Variants in YLPM1 observed in about 807,000 individuals in gnomAD.
YLPM1 encodes YLP motif containing 1.
A neutral mutation model predicts 230.0 loss-of-function variants in YLPM1; 99 were observed. The observed-to-expected ratio is 0.43, with a 90% CI of 0.37 to 0.51. YLPM1 has a LOEUF of 0.51. YLPM1 is among the 20% of genes least tolerant of loss of function. The probability of loss-of-function intolerance (pLI) is 0.00; values close to 1 mark genes in which losing one functional copy is unlikely to be tolerated. For synonymous variants in YLPM1, 984 were observed against 942.5 expected (o/e 1.04, Z -0.81); for missense variants, 2,592 against 2,707.7 (o/e 0.96, Z 0.95).
At chr14:74,780,143 G>A (rs902490446) in intron 2 of YLPM1, among the ~76,000 whole-genome samples, 1 of 151,874 alleles carries the variant, frequency 6.6e-6, no homozygotes, top group Non-Finnish European at 1.5e-5. Context: ...GTCATATTTA[G>A]GAATAATAAG....
chr14:74,794,792 T>G lies in YLPM1; in HGVS notation c.2283-2788T>G, dbSNP rs578227446. Among the ~76,000 whole-genome samples the G allele has an allele frequency of 3.3e-5, 5 of 151,902 alleles. No individual in the cohort carries two copies. The East Asian group carries it at 5.8e-4, about 18-fold the overall frequency. The stretch of plus-strand genomic sequence containing the variant: ...ACACACACACACACACACACATATT[T>G]AAACACAAATATATCAAATTAAGGA... On this transcript the variant is annotated intron_variant, in intron 4 of 20. Coordinates refer to ENST00000325680, the MANE Select transcript of YLPM1 (RefSeq NM_019589.3).
At position 74,807,663 on chromosome 14, in the gene YLPM1, A is replaced by G. The variant is rs111882949; in HGVS notation, c.4522-1717A>G. ...ATGCTTTGGGAAAACAAATGGAAGG[A>G]GGGCACACAACAGTGGCACTCCTTA... On this transcript the variant is annotated intron_variant, in intron 6 of 20. Transcript: ENST00000325680. Among the ~76,000 whole-genome samples, 128 of 152,346 alleles carry G rather than the reference A, an allele frequency of 8.4e-4. 1 individual carries two copies. Among genetic ancestry groups the G allele is most frequent in the African/African-American group, 3.0e-3 (124 of 41,576 alleles).
At chr14:74,824,180 C>A in intron 17 of YLPM1, 76 bp from the exon 18 acceptor site, 1 of 1,436,154 alleles carries the variant, frequency 7.0e-7, no homozygotes, top group Non-Finnish European at 9.6e-7. Context: ...AGTTTTAATG[C>A]TTTTCCAGTT....
chr14:74,773,358 C>T (rs1357574979), intron 1 of YLPM1, among the ~76,000 whole-genome samples: 2 of 150,500 alleles, frequency 1.3e-5, no homozygotes, highest in Non-Finnish European at 2.9e-5. Context: ...CAGCCCTTAA[C>T]AAGTTCTTAA....
chr14:74,769,382 C>T (rs2090951045), intron 1 of YLPM1, among the ~76,000 whole-genome samples: 1 of 143,374 alleles, frequency 7.0e-6, no homozygotes, highest in Non-Finnish European at 1.5e-5. Flanking sequence ...AAACAATTCT[C>T]CTGCCTCAGC....
chr14:74,790,963 C>G (rs1169365829), intron 4 of YLPM1, among the ~76,000 whole-genome samples: 1 of 152,256 alleles, frequency 6.6e-6, no homozygotes, highest in East Asian at 1.9e-4. Context: ...CAGTAATAGA[C>G]AGGTGCAGTG....
At chr14:74,822,976 A>G (rs2091534511) in intron 17 of YLPM1, among the ~76,000 whole-genome samples, 1 of 152,044 alleles carries the variant, frequency 6.6e-6, no homozygotes, top group African/African-American at 2.4e-5. Context: ...TTAAGATGTA[A>G]CTTGTCTTCA....
chr14:74,806,079 G>A (rs1396080323), intron 6 of YLPM1, among the ~76,000 whole-genome samples: 4 of 151,166 alleles, frequency 2.6e-5, no homozygotes, highest in Admixed American at 1.3e-4. Flanking sequence ...TATAATGGCC[G>A]GGTGTGGTGG....
rs369148680 is a variant in YLPM1, at chr14:74,810,277, T to C, written c.5085T>C (p.Tyr1695=). The part of the protein sequence containing the change: ...RYDRERDREP[Y]FDRQSNVIAD... ...ATAGAGAAAGAGATCGTGAGCCTTA[T>C]TTTGATCGTCAAAGTAATGTCATAG... The change falls in exon 9 of 21, where the codon TAT becomes TAC. Residue 1695 remains tyrosine (Y), a synonymous_variant. Transcript: ENST00000325680. 4.2e-4 allele frequency: 676 copies of C among 1,613,852 alleles called. No individual in the cohort carries two copies. Among genetic ancestry groups the C allele is most frequent in the Non-Finnish European group, 5.1e-4 (599 of 1,179,892 alleles).
Position 74,781,710 on chromosome 14 carries a change from C to T in YLPM1, c.1667C>T (p.Pro556Leu), listed in dbSNP as rs1353042890. The change falls in exon 4 of 21, where the codon CCA becomes CTA. Residue 556 changes from proline (P) to leucine (L), a missense_variant. Coordinates refer to ENST00000325680, the MANE Select transcript of YLPM1 (RefSeq NM_019589.3). The part of the protein sequence containing the change: ...VMPPALPATV[P>L]PPGMPPPVMP... ...CCCCCTGCCCTCCCTGCTACAGTGCCACCACCTGGCATGCCCCCACCTGTT... is the reference window on the plus strand; with the variant it reads ...CCCCCTGCCCTCCCTGCTACAGTGCTACCACCTGGCATGCCCCCACCTGTT... The T allele has an allele frequency of 1.2e-6, 2 of 1,612,716 alleles. No individual in the cohort carries two copies. The highest frequency in any genetic ancestry group is 1.3e-5 in the African/African-American group (1 of 74,464).
In YLPM1 at chr14:74,799,125, G is replaced by A. The variant is rs560887736; in HGVS notation, c.3828G>A (p.Glu1276=). ...DDWERDQDMD[E]DYNREMERDM... is the part of the protein sequence containing the mutation. ...GGGAGAGAGACCAGGATATGGATGAGGACTACAATAGGGAAATGGAAAGGG... is the reference window on the plus strand; with the variant it reads ...GGGAGAGAGACCAGGATATGGATGAAGACTACAATAGGGAAATGGAAAGGG... The change falls in exon 5 of 21, where the codon GAG becomes GAA. Residue 1276 remains glutamate (E), a synonymous_variant. Coordinates refer to ENST00000325680, the MANE Select transcript of YLPM1 (RefSeq NM_019589.3). 54 of 1,613,852 alleles carry A rather than the reference G, an allele frequency of 3.3e-5. No individual in the cohort carries two copies. In the South Asian group the frequency reaches 4.8e-4, roughly 14 times the overall value.
Position 74,829,322 on chromosome 14 carries a change from T to G in YLPM1, c.6273T>G (p.Ala2091=), listed in dbSNP as rs1456422644. 4.3e-6 allele frequency: 7 copies of G among 1,613,188 alleles called. No homozygotes were observed. Among genetic ancestry groups the G allele is most frequent in the Non-Finnish European group, 5.9e-6 (7 of 1,179,276 alleles). Residue 2091 remains alanine, a synonymous_variant, in exon 19 of 21, where the codon GCT becomes GCG. Transcript: ENST00000325680. ...LQLPDDYDTR[A]SEPGKKRVRW... The stretch of plus-strand genomic sequence containing the variant: ...TCCCCGATGATTATGATACTCGTGC[T>G]TCTGAGCCTGGGAAGAAGAGGGTAA...
In YLPM1 at chr14:74,781,567, C is replaced by T. The variant is rs1259418746; in HGVS notation, c.1524C>T (p.Asn508=). The T allele has an allele frequency of 6.2e-7, 1 of 1,614,000 alleles. No individual in the cohort carries two copies. The highest frequency in any genetic ancestry group is 1.1e-5 in the South Asian group (1 of 91,076). Residue 508 remains asparagine, a synonymous_variant, in exon 4 of 21, where the codon AAC becomes AAT. Coordinates refer to ENST00000325680, the MANE Select transcript of YLPM1 (RefSeq NM_019589.3). ...TCAATTCATTTCAGAACATGAAGAA[C>T]CAGTATATGGGGAACATGTCAATGC... is the stretch of plus-strand genomic sequence containing the variant. The part of the protein sequence containing the change: ...EKVNSFQNMK[N]QYMGNMSMPP...
intron 3 of YLPM1, 62 bp from the exon 4 acceptor site, chr14:74,781,272 T>C: frequency 6.9e-7 from 1 of 1,443,490 alleles, no homozygotes; most frequent in South Asian, 1.5e-5. Context: ...ATTAATATTT[T>C]AACCTATGAT....
Position 74,763,643 on chromosome 14 carries a change from A to C in YLPM1, c.154A>C (p.Ser52Arg). The C allele has an allele frequency of 3.1e-6, 5 of 1,588,938 alleles. No homozygotes were observed. Among genetic ancestry groups the C allele is most frequent in the African/African-American group, 1.4e-5 (1 of 72,998 alleles). Residue 52 changes from serine to arginine, a missense_variant, in exon 1 of 21, where the codon AGC (serine) becomes CGC (arginine). By Grantham distance (110) the Ser-to-Arg change is moderately radical. Coordinates refer to ENST00000325680, the MANE Select transcript of YLPM1 (RefSeq NM_019589.3). ...GGCCCCCTCCTCCTCGGGCTTCATG[A>C]GCTTCCGCGAACAGCACTTGGCGCA... ...PAAPSSSGFM[S>R]FREQHLAQLQ... is the part of the protein sequence containing the mutation.
At chr14:74,773,853 T>C (rs1342317895) in intron 1 of YLPM1, among the ~76,000 whole-genome samples, 1 of 151,108 alleles carries the variant, frequency 6.6e-6, no homozygotes, top group African/African-American at 2.4e-5. Context: ...CCGGAGTAGC[T>C]GAGATTATAG....
chr14:74,801,119 G>C (rs2091320634), intron 5 of YLPM1, among the ~76,000 whole-genome samples: 1 of 151,660 alleles, frequency 6.6e-6, no homozygotes, highest in Non-Finnish European at 1.5e-5. Context: ...ATTCGTTATT[G>C]CTTTGCATGG....
intron 16 of YLPM1, among the ~76,000 whole-genome samples, chr14:74,818,598 T>G (rs1381373556): frequency 6.6e-6 from 1 of 152,214 alleles, no homozygotes; most frequent in Non-Finnish European, 1.5e-5. Flanking sequence ...CATCAGTAGG[T>G]ATCTTGTAAG....
At chr14:74,816,767 CT>C in intron 13 of YLPM1, 77 bp downstream of exon 13, 1 of 1,504,052 alleles carries the variant, frequency 6.6e-7, no homozygotes, top group Non-Finnish European at 8.9e-7. Flanking sequence ...AGAAATGTGG[CT>C]TTTTTGAGGG....
Sources: gnomAD v4.1 joint callset for allele counts (sites outside exome capture counted in the v4.1 genomes callset) on GRCh38, gnomAD v4.1.1 for gene constraint, MANE v1.5 for transcripts, NCBI Gene and HGNC (gene_info 2026-07-23, HGNC 2026-07-21) for gene names.